SNU13: variants seen among roughly 807,000 people sequenced by gnomAD.
SNU13 encodes small nuclear ribonucleoprotein 13.
Under a neutral mutation model 12.4 loss-of-function variants are expected in SNU13, and 2 were observed. That is an observed-to-expected ratio of 0.16 (90% CI 0.07 to 0.51). The LOEUF is 0.51. Ranked by LOEUF, SNU13 falls within the 20% of genes least tolerant of loss-of-function variation. SNU13 has a pLI of 0.96. For synonymous variants in SNU13, 68 were observed against 66.5 expected (o/e 1.02, Z -0.11); for missense variants, 66 against 157.8 (o/e 0.42, Z 3.12).
chr22:41,681,165 A>G (rs2068260253), intron 1 of SNU13: 1 of 152,192 alleles, frequency 6.6e-6, no homozygotes, highest in Non-Finnish European at 1.5e-5. Context: ...CTCCTCTACA[A>G]TACACACAAA....
At chr22:41,686,954 TTTTA>T (rs1420885800) in intron 1 of SNU13, among the ~76,000 whole-genome samples, 3 of 147,258 alleles carry the variant, frequency 2.0e-5, no homozygotes, top group Admixed American at 6.9e-5. Context: ...TTATCACAAG[TTTTA>T]TTTATTTATT....
chr22:41,674,869 A>G lies in SNU13; in HGVS notation c.*64T>C. ...AGCTGAAAATACTACATGCTAACACAGATAATATGATACACAACCTCAGGG... is the reference window on the plus strand; with the variant it reads ...AGCTGAAAATACTACATGCTAACACGGATAATATGATACACAACCTCAGGG... On this transcript the variant is annotated 3_prime_UTR_variant, in exon 3 of 3. Transcript: ENST00000401959. 1.3e-6 allele frequency: 2 copies of G among 1,574,594 alleles called. No individual in the cohort carries two copies. Among genetic ancestry groups the G allele is most frequent in the Non-Finnish European group, 1.7e-6 (2 of 1,155,966 alleles).
chr22:41,682,576 G>C (rs2068274496), intron 1 of SNU13: 10 of 1,445,610 alleles, frequency 6.9e-6, no homozygotes, highest in Non-Finnish European at 9.1e-6. Flanking sequence ...ATTTGTCTTG[G>C]TCCCAGGACA....
In SNU13 at chr22:41,685,238, T is replaced by C. The variant is rs895491175; in HGVS notation, c.3+3556A>G. ...TCACTGAGACCAGAGTGCAGTGGCA[T>C]GACAATAGCTCACTGCAGCCTCGAC... On this transcript the variant is annotated intron_variant, in intron 1 of 2. Transcript: ENST00000401959. Among the ~76,000 whole-genome samples, 6 of 151,640 alleles carry C rather than the reference T, an allele frequency of 4.0e-5. No homozygotes were observed. In the East Asian group the frequency reaches 1.2e-3, roughly 29 times the overall value.
At chr22:41,682,228 C>T in intron 1 of SNU13, 2 of 998,484 alleles carry the variant, frequency 2.0e-6, no homozygotes, top group Non-Finnish European at 1.6e-6. Flanking sequence ...GTCTCCTGCC[C>T]GACACCGCGC....
In SNU13 at chr22:41,680,882, CAG is replaced by C. The variant is rs572048237; in HGVS notation, c.4-520_4-519del. Among the ~76,000 whole-genome samples, 7 of 152,250 alleles carry C rather than the reference CAG, an allele frequency of 4.6e-5. No homozygotes were observed. The East Asian group carries it at 1.2e-3, about 25-fold the overall frequency. The stretch of plus-strand genomic sequence containing the variant: ...GCTAATTTTGTATTTTTTGTGGAGA[CAG>C]GGTTTCACCGTGTTGGCCAGGCTGG... On this transcript the variant is annotated intron_variant, in intron 1 of 2. Transcript: ENST00000401959.
intron 2 of SNU13, among the ~76,000 whole-genome samples, chr22:41,675,745 T>C (rs1468507687): frequency 1.6e-5 from 2 of 121,556 alleles, no homozygotes; most frequent in Non-Finnish European, 3.2e-5. Context: ...TTTTTCTTTC[T>C]TTTTTTTTTT....
chr22:41,682,010 A>G (rs2068267966), intron 1 of SNU13, among the ~76,000 whole-genome samples: 1 of 152,046 alleles, frequency 6.6e-6, no homozygotes, highest in Admixed American at 6.6e-5. Flanking sequence ...TTGTTTTTAC[A>G]AACACATATT....
At chr22:41,679,611 T>A (rs2068244852) in intron 2 of SNU13, 2 of 151,678 alleles carry the variant, frequency 1.3e-5, no homozygotes, top group Admixed American at 6.6e-5. Flanking sequence ...ATGAATAAAG[T>A]GAGAGTATCC....
chr22:41,676,129 A>G (rs2068211442), intron 2 of SNU13, among the ~76,000 whole-genome samples: 1 of 152,160 alleles, frequency 6.6e-6, no homozygotes, highest in African/African-American at 2.4e-5. Flanking sequence ...ACCAGCAAGT[A>G]GTAGTATATT....
intron 1 of SNU13, among the ~76,000 whole-genome samples, chr22:41,685,474 G>A (rs994056668): frequency 3.3e-5 from 5 of 151,902 alleles, no homozygotes; most frequent in Admixed American, 6.5e-5. Flanking sequence ...CTGCCTCAGC[G>A]TCCTGAGTAG....
chr22:41,678,796 A>G lies in SNU13; in HGVS notation c.124+1448T>C, dbSNP rs781661282. The stretch of plus-strand genomic sequence containing the variant: ...GCAGGGAGGAAAGAGCACTACGACG[A>G]GACCCACAGAGTCTACTTTATCTTC... On this transcript the variant is annotated intron_variant, in intron 2 of 2. Coordinates refer to ENST00000401959, the MANE Select transcript of SNU13 (RefSeq NM_001003796.2). Among the ~76,000 whole-genome samples, 24 of 152,358 alleles carry G rather than the reference A, an allele frequency of 1.6e-4. 1 individual carries two copies. In the South Asian group the frequency reaches 3.5e-3, roughly 22 times the overall value.
At chr22:41,688,720 A>G (rs964614924) in intron 1 of SNU13, 74 bp downstream of exon 1, 3 of 1,548,386 alleles carry the variant, frequency 1.9e-6, no homozygotes, top group Non-Finnish European at 2.6e-6. Flanking sequence ...CTAAGCCTCC[A>G]TCTAACAGGC....
At position 41,674,978 on chromosome 22, in the gene SNU13, C is replaced by T; in HGVS notation, c.342G>A (p.Gln114=). The T allele has an allele frequency of 6.2e-7, 1 of 1,614,114 alleles. No homozygotes were observed. Among genetic ancestry groups the T allele is most frequent in the Non-Finnish European group, 8.5e-7 (1 of 1,180,010 alleles). Residue 114 remains glutamine (Q), a synonymous_variant, in exon 3 of 3, where the codon CAG becomes CAA. Transcript: ENST00000401959. ...VTIKEGSQLK[Q]QIQSIQQSIE... is the part of the protein sequence containing the mutation. ...TGGACTGCTGAATGGATTGGATCTG[C>T]TGTTTCAGCTGCGAGCCTTCTTTGA...
intron 2 of SNU13, among the ~76,000 whole-genome samples, chr22:41,678,183 G>A (rs1171264661): frequency 2.0e-5 from 3 of 151,900 alleles, no homozygotes; most frequent in Non-Finnish European, 4.4e-5. Flanking sequence ...CACCGTGTTA[G>A]CCAGGATGGT....
intron 2 of SNU13, 92 bp downstream of exon 2, chr22:41,680,152 A>T (rs1339929700): frequency 7.0e-7 from 1 of 1,437,150 alleles, no homozygotes; most frequent in East Asian, 2.4e-5. Flanking sequence ...GAGAGCAGCT[A>T]GCCCTCCTCC....
At chr22:41,678,723 C>T (rs1011955888) in intron 2 of SNU13, among the ~76,000 whole-genome samples, 5 of 152,152 alleles carry the variant, frequency 3.3e-5, no homozygotes, top group African/African-American at 9.7e-5. Context: ...CTACAATGCC[C>T]CACTGGCCAC....
intron 1 of SNU13, chr22:41,687,672 C>G (rs944278064): frequency 6.6e-6 from 1 of 152,230 alleles, no homozygotes; most frequent in Non-Finnish European, 1.5e-5. Flanking sequence ...GTACACCAGA[C>G]AGCCAAAACT....
At chr22:41,681,864 G>C (rs895717464) in intron 1 of SNU13, among the ~76,000 whole-genome samples, 10 of 152,176 alleles carry the variant, frequency 6.6e-5, no homozygotes, top group Non-Finnish European at 1.5e-5. Flanking sequence ...GACAGAGCGA[G>C]ACTCCGTCTC....
Sources: allele counts gnomAD v4.1 joint callset (sites outside exome capture counted in the v4.1 genomes callset), GRCh38; gene constraint gnomAD v4.1.1; transcripts MANE v1.5; gene names NCBI Gene and HGNC (gene_info 2026-07-23, HGNC 2026-07-21).